The following AGO2 variants were observed in gnomAD, a reference collection of about 807,000 sequenced individuals.
AGO2 encodes the protein protein argonaute-2.
In AGO2, 5 loss-of-function variants were observed where a neutral mutation model predicts 102.3. That is an observed-to-expected ratio of 0.05 (90% confidence interval 0.03 to 0.10). AGO2 has a LOEUF of 0.10. Ranked by LOEUF, AGO2 falls within the 10% of genes least tolerant of loss-of-function variation. AGO2 has a pLI of 1.00. For missense variants in AGO2, 541 were observed against 1,183.7 expected, an observed-to-expected ratio of 0.46 and a Z score of 7.97; for synonymous variants, 449 against 473.1, an observed-to-expected ratio of 0.95 and a Z score of 0.66.
In AGO2 at chr8:140,549,298, C is replaced by T; in HGVS notation, c.1404G>A (p.Lys468=). 1.3e-6 allele frequency: 2 copies of T among 1,589,536 alleles called. No homozygotes were observed. Among genetic ancestry groups the T allele is most frequent in the Non-Finnish European group, 1.7e-6 (2 of 1,161,940 alleles). ...TCTTTCTGAGCTGCTCTGTGAAGGA[C>T]CTGCAGGAGAAGGCTCCGTTCACTA... is the stretch of plus-strand genomic sequence containing the variant. The part of the protein sequence containing the change: ...PQRQCTEVHL[K]SFTEQLRKIS... Residue 468 remains lysine (K), a splice_region_variant and synonymous_variant, in exon 12 of 19, where the codon AAG becomes AAA. Coordinates refer to ENST00000220592, the MANE Select transcript of AGO2 (RefSeq NM_012154.5).
At position 140,539,511 on chromosome 8, in the gene AGO2, G is replaced by T. The variant is rs185241056; in HGVS notation, c.2035-57C>A. On this transcript the variant is annotated intron_variant, in intron 15 of 18. Transcript: ENST00000220592. This position sits in a 1 kb window ranked among gnomAD's most constrained non-coding sequence, Gnocchi z 4.7. Reference sequence around the variant, plus strand: ...AAAGATGGTAGTGCATGTGAGCAACGGTCCCACGTGCGGGTTCTGGGTTGA... The same window carrying T: ...AAAGATGGTAGTGCATGTGAGCAACTGTCCCACGTGCGGGTTCTGGGTTGA... The T allele has an allele frequency of 5.1e-6, 8 of 1,557,298 alleles. No individual in the cohort carries two copies. The East Asian group carries it at 1.1e-4, about 22-fold the overall frequency.
intron 1 of AGO2, chr8:140,593,120 T>C (rs2073768061): frequency 6.6e-6 from 1 of 152,194 alleles, no homozygotes; most frequent in Admixed American, 6.5e-5. Context: ...ACCCAAAACA[T>C]ACAAGAATCT....
chr8:140,565,091 A>C (rs1428171781), intron 3 of AGO2, among the ~76,000 whole-genome samples: 2 of 145,026 alleles, frequency 1.4e-5, no homozygotes, highest in Non-Finnish European at 3.0e-5. Flanking sequence ...CCGAGATCGC[A>C]CCATACTCCA....
chr8:140,605,149 G>A (rs527857532), intron 1 of AGO2, among the ~76,000 whole-genome samples: 5 of 152,246 alleles, frequency 3.3e-5, no homozygotes, highest in Admixed American at 3.3e-4. Flanking sequence ...AAGCTGGAAT[G>A]CAGTGTACAA....
intron 14 of AGO2, among the ~76,000 whole-genome samples, chr8:140,543,632 G>C (rs1422144640): frequency 1.3e-5 from 2 of 152,206 alleles, no homozygotes; most frequent in African/African-American, 4.8e-5. Flanking sequence ...TTTTTGTAGA[G>C]ATGGGCGTTC....
chr8:140,608,876 T>C (rs1034987530), intron 1 of AGO2, among the ~76,000 whole-genome samples: 5 of 152,156 alleles, frequency 3.3e-5, no homozygotes, highest in Non-Finnish European at 7.4e-5. Flanking sequence ...GGTGATGGGG[T>C]ACCCCTTGCA....
intron 3 of AGO2, among the ~76,000 whole-genome samples, chr8:140,569,852 C>G (rs897301981): frequency 6.6e-6 from 1 of 152,230 alleles, no homozygotes; most frequent in East Asian, 1.9e-4. Context: ...TTAGGAGCTT[C>G]GTGTGTAAGG....
chr8:140,620,255 G>T (rs760889381), intron 1 of AGO2, among the ~76,000 whole-genome samples: 2 of 152,200 alleles, frequency 1.3e-5, no homozygotes, highest in Non-Finnish European at 1.5e-5. Flanking sequence ...CAAATGGACA[G>T]ATGTGCCTAA....
rs558837825 is a variant in AGO2, at chr8:140,604,669, A to G, written c.23-19358T>C. On this transcript the variant is annotated intron_variant, in intron 1 of 18. Coordinates refer to ENST00000220592, the MANE Select transcript of AGO2 (RefSeq NM_012154.5). Reference sequence around the variant, plus strand: ...GTGAAACCCCGTCTCTACTAAAAATACAAAAAAGTTAGCCGGGCGTGGTGG... The same window carrying G: ...GTGAAACCCCGTCTCTACTAAAAATGCAAAAAAGTTAGCCGGGCGTGGTGG... Among the ~76,000 whole-genome samples, 3 of 152,368 alleles carry G rather than the reference A, an allele frequency of 2.0e-5. No individual in the cohort carries two copies. The South Asian group carries it at 6.2e-4, about 32-fold the overall frequency.
At chr8:140,586,782 G>T (rs984826390) in intron 1 of AGO2, among the ~76,000 whole-genome samples, 1 of 152,196 alleles carries the variant, frequency 6.6e-6, no homozygotes, top group African/African-American at 2.4e-5. Context: ...GTTCTCAGGT[G>T]GCTCCAACCA....
At position 140,539,296 on chromosome 8, in the gene AGO2, G is replaced by A. The variant is rs1203456924; in HGVS notation, c.2169+24C>T. On this transcript the variant is annotated intron_variant, in intron 16 of 18. Coordinates refer to ENST00000220592, the MANE Select transcript of AGO2 (RefSeq NM_012154.5). The surrounding 1 kb of genome is among the most constrained non-coding windows in gnomAD (Gnocchi z 4.7). ...GGCTGAGGGGAGAACCGTGCCCCCTGCCTGGAGTCATGCAGAAACTCACCC... is the reference window on the plus strand; with the variant it reads ...GGCTGAGGGGAGAACCGTGCCCCCTACCTGGAGTCATGCAGAAACTCACCC... 3 of 1,588,082 alleles carry A rather than the reference G, an allele frequency of 1.9e-6. No individual in the cohort carries two copies. The highest frequency in any genetic ancestry group is 2.6e-6 in the Non-Finnish European group (3 of 1,164,756).
chr8:140,630,083 T>G (rs558747629), intron 1 of AGO2, among the ~76,000 whole-genome samples: 1 of 152,258 alleles, frequency 6.6e-6, no homozygotes, highest in East Asian at 1.9e-4. Flanking sequence ...TGGAAAGAAC[T>G]ACTGGCAACC....
At chr8:140,587,445 C>T (rs1362447100) in intron 1 of AGO2, among the ~76,000 whole-genome samples, 1 of 152,242 alleles carries the variant, frequency 6.6e-6, no homozygotes, top group Non-Finnish European at 1.5e-5. Flanking sequence ...AACTCCACTG[C>T]CAAGGACGCC....
At chr8:140,622,298 T>G in intron 1 of AGO2, among the ~76,000 whole-genome samples, 1 of 140,316 alleles carries the variant, frequency 7.1e-6, no homozygotes. Flanking sequence ...GCACATGGGG[T>G]CTCCTCTTGG....
At chr8:140,554,055 C>T (rs1227664631) in intron 10 of AGO2, among the ~76,000 whole-genome samples, 1 of 152,236 alleles carries the variant, frequency 6.6e-6, no homozygotes, top group Non-Finnish European at 1.5e-5. Context: ...TTGGCTTACA[C>T]AAGCTCTTCT....
Position 140,539,289 on chromosome 8 carries a change from G to A in AGO2, c.2169+31C>T, listed in dbSNP as rs1470868931. 1 of 1,579,038 alleles carries A rather than the reference G, an allele frequency of 6.3e-7. No homozygotes were observed. The highest frequency in any genetic ancestry group is 8.6e-7 in the Non-Finnish European group (1 of 1,160,322). ...GGTGTGGGGCTGAGGGGAGAACCGT[G>A]CCCCCTGCCTGGAGTCATGCAGAAA... is the stretch of plus-strand genomic sequence containing the variant. On this transcript the variant is annotated intron_variant, in intron 16 of 18. Coordinates refer to ENST00000220592, the MANE Select transcript of AGO2 (RefSeq NM_012154.5). This position sits in a 1 kb window ranked among gnomAD's most constrained non-coding sequence, Gnocchi z 4.7.
chr8:140,620,532 T>C (rs540900673), intron 1 of AGO2, among the ~76,000 whole-genome samples: 152 of 152,318 alleles, frequency 1.0e-3, no homozygotes, highest in African/African-American at 3.6e-3. Context: ...CCTCCACTTT[T>C]ATGTACATTT....
chr8:140,621,276 C>G (rs1195367965), intron 1 of AGO2, among the ~76,000 whole-genome samples: 1 of 152,218 alleles, frequency 6.6e-6, no homozygotes, highest in Non-Finnish European at 1.5e-5. Flanking sequence ...CAGCAGTCCC[C>G]GACACCCCAT....
intron 1 of AGO2, among the ~76,000 whole-genome samples, chr8:140,611,411 T>TCTGC (rs1315718674): frequency 6.6e-6 from 1 of 151,658 alleles, no homozygotes; most frequent in African/African-American, 2.4e-5. Flanking sequence ...CACTGCAACC[T>TCTGC]CTGCCTCCCA....
Sources: allele counts gnomAD v4.1 joint callset (sites outside exome capture counted in the v4.1 genomes callset), GRCh38; gene constraint gnomAD v4.1.1; non-coding constraint Gnocchi (gnomAD v3.1); transcripts MANE v1.5; gene names NCBI Gene and HGNC (gene_info 2026-07-23, HGNC 2026-07-21).